PRKN: variants seen among roughly 807,000 people sequenced by gnomAD.
PRKN encodes E3 ubiquitin-protein ligase parkin.
PRKN carries 56 observed loss-of-function variants against 59.5 expected under a neutral mutation model. The ratio of observed to expected loss-of-function variants is 0.94; its 90% CI spans 0.76 to 1.18. The LOEUF is 1.18. PRKN is among the 50% of genes most tolerant of loss of function. The pLI, the probability that PRKN is intolerant of heterozygous loss-of-function variation, is 0.00. For missense variants in PRKN, 657 were observed against 596.4 expected, an observed-to-expected ratio of 1.10 and a Z score of -1.06; for synonymous variants, 250 against 222.1, an observed-to-expected ratio of 1.13 and a Z score of -1.12.
chr6:162,362,178 C>T (rs1409427189), intron 2 of PRKN, among the ~76,000 whole-genome samples: 1 of 152,168 alleles, frequency 6.6e-6, no homozygotes, highest in Non-Finnish European at 1.5e-5. Flanking sequence ...AAAGAACATG[C>T]TGTTACTTCT....
At position 161,843,573 on chromosome 6, in the gene PRKN, G is replaced by T. The variant is rs76570583; in HGVS notation, c.735-57665C>A. On this transcript the variant is annotated intron_variant, in intron 6 of 11. Transcript: ENST00000366898. ...GGCCAAGGAGGGGAGATTACTTAAG[G>T]TCAGGAGTTTGAGACCAATCTGGCC... Among the ~76,000 whole-genome samples the T allele has an allele frequency of 0.012, 1,872 of 152,218 alleles. 54 individuals carry two copies. In the East Asian group the frequency reaches 0.13, roughly 10 times the overall value.
At chr6:162,253,653 T>C (rs1045943254) in intron 3 of PRKN, among the ~76,000 whole-genome samples, 1 of 152,002 alleles carries the variant, frequency 6.6e-6, no homozygotes, top group African/African-American at 2.4e-5. Context: ...TTGGTCCACC[T>C]TTCCCCAAGA....
At chr6:162,533,688 A>G (rs7763118) in intron 1 of PRKN, among the ~76,000 whole-genome samples, 14,549 of 152,054 alleles carry the variant, frequency 0.096, 783 homozygotes, top group Middle Eastern at 0.18. Flanking sequence ...TCTTATAAAA[A>G]GAGATATATG....
intron 3 of PRKN, among the ~76,000 whole-genome samples, chr6:162,232,048 C>T (rs1778445960): frequency 6.6e-6 from 1 of 152,132 alleles, no homozygotes; most frequent in Non-Finnish European, 1.5e-5. Context: ...AGGTTAATTT[C>T]ACAGCCCTTG....
At chr6:162,168,555 A>C (rs9355386) in intron 4 of PRKN, among the ~76,000 whole-genome samples, 2 of 123,254 alleles carry the variant, frequency 1.6e-5, no homozygotes, top group Admixed American at 8.0e-5. Flanking sequence ...AATCTGTTTT[A>C]CAAAAAAAAA....
chr6:161,415,592 G>GCGGGGGGCCCCCCCCCC, intron 9 of PRKN, among the ~76,000 whole-genome samples: 1 of 36,252 alleles, frequency 2.8e-5, no homozygotes, highest in African/African-American at 1.1e-4. Flanking sequence ...AGGAAATGTC[G>GCGGGGGGCCCCCCCCCC]CCCCCCCCCC....
intron 5 of PRKN, among the ~76,000 whole-genome samples, chr6:162,022,481 GAGA>G (rs1783244489): frequency 6.6e-6 from 1 of 152,070 alleles, no homozygotes; most frequent in South Asian, 2.1e-4. Context: ...GTCTTCTTTT[GAGA>G]AGTGTCTGTT....
chr6:162,687,315 A>G (rs908205663), intron 1 of PRKN, among the ~76,000 whole-genome samples: 24 of 151,668 alleles, frequency 1.6e-4, no homozygotes, highest in South Asian at 8.4e-4. Context: ...CCTCCCGAGT[A>G]GCTGGGACTA....
chr6:161,511,714 T>C (rs771505914), intron 9 of PRKN, among the ~76,000 whole-genome samples: 1 of 151,846 alleles, frequency 6.6e-6, no homozygotes, highest in Admixed American at 6.6e-5. Flanking sequence ...TAAAGGAGTA[T>C]CACTAAATTG....
Position 161,545,240 on chromosome 6 carries a change from A to G in PRKN, c.1083+3614T>C. 1 of 1,371,430 alleles carries G rather than the reference A, an allele frequency of 7.3e-7. No homozygotes were observed. Among genetic ancestry groups the G allele is most frequent in the Non-Finnish European group, 9.4e-7 (1 of 1,062,064 alleles). The allele number at this position is 1,371,430 out of a possible 1,614,324, so 85.0% of individuals were successfully genotyped here. A position where few individuals can be genotyped will look rare whatever the true frequency, so the allele number is the denominator to read the frequency against. On this transcript the variant is annotated intron_variant, in intron 9 of 11. Coordinates refer to ENST00000366898, the MANE Select transcript of PRKN (RefSeq NM_004562.3). The surrounding 1 kb of genome is among the most constrained non-coding windows in gnomAD (Gnocchi z 4.1). Reference sequence around the variant, plus strand: ...GGAAAAAAAAATTAAGCACGGGTGAATTCACAGGCATCTTACAATAAATCT... The same window carrying G: ...GGAAAAAAAAATTAAGCACGGGTGAGTTCACAGGCATCTTACAATAAATCT...
At chr6:162,223,894 A>T (rs1255770164) in intron 3 of PRKN, among the ~76,000 whole-genome samples, 1 of 152,070 alleles carries the variant, frequency 6.6e-6, no homozygotes, top group African/African-American at 2.4e-5. Context: ...ATATGAGATA[A>T]ATATTACTAT....
chr6:162,218,890 A>T (rs1334739119), intron 3 of PRKN, among the ~76,000 whole-genome samples: 1 of 151,974 alleles, frequency 6.6e-6, no homozygotes, highest in Non-Finnish European at 1.5e-5. Flanking sequence ...GTTTAGTTAC[A>T]CACCTCGGCA....
chr6:161,542,968 A>C (rs1465798951), intron 9 of PRKN, among the ~76,000 whole-genome samples: 5 of 152,228 alleles, frequency 3.3e-5, no homozygotes, highest in Admixed American at 3.3e-4. Flanking sequence ...TACAAAAATA[A>C]ATTAAAATTG....
rs999664315 is a variant in PRKN at position 161,457,280 on chromosome 6, G to T, written c.1084-70403C>A. Among the ~76,000 whole-genome samples the T allele has an allele frequency of 2.0e-5, 3 of 152,158 alleles. No individual in the cohort carries two copies. The highest frequency in any genetic ancestry group is 4.4e-5 in the Non-Finnish European group (3 of 68,032). On this transcript the variant is annotated intron_variant, in intron 9 of 11. Transcript: ENST00000366898. This position sits in a 1 kb window ranked among gnomAD's most constrained non-coding sequence, Gnocchi z 5.0. ...CACTTTGCAAGGAGGATGGGCAGCT[G>T]GGCCAATGCAGGATCCAACTATTCA...
At chr6:162,012,464 A>T (rs1176662086) in intron 5 of PRKN, among the ~76,000 whole-genome samples, 2 of 151,958 alleles carry the variant, frequency 1.3e-5, no homozygotes, top group Non-Finnish European at 2.9e-5. Context: ...GTATGTAATT[A>T]CTTTTTCTAA....
chr6:162,162,130 T>A (rs1425873774), intron 4 of PRKN, among the ~76,000 whole-genome samples: 1 of 152,164 alleles, frequency 6.6e-6, no homozygotes, highest in Non-Finnish European at 1.5e-5. Context: ...TCGCCCAAGC[T>A]GGAGTGCAGT....
At chr6:161,873,761 A>G (rs531149751) in intron 6 of PRKN, among the ~76,000 whole-genome samples, 30 of 151,090 alleles carry the variant, frequency 2.0e-4, no homozygotes, top group Middle Eastern at 3.5e-3. Context: ...TTCCCCTACT[A>G]TTAACTTGGC....
Position 161,988,697 on chromosome 6 carries a change from G to A in PRKN, c.619-15280C>T, listed in dbSNP as rs537378586. Among the ~76,000 whole-genome samples the A allele has an allele frequency of 2.6e-5, 4 of 152,146 alleles. No homozygotes were observed. In the East Asian group the frequency reaches 7.7e-4, roughly 29 times the overall value. ...ATCATGAGTGAAAGCTCAGAGCCAT[G>A]AACACGACAGTGAGGACATCAATAT... is the stretch of plus-strand genomic sequence containing the variant. On this transcript the variant is annotated intron_variant, in intron 5 of 11. Transcript: ENST00000366898.
intron 1 of PRKN, among the ~76,000 whole-genome samples, chr6:162,544,056 C>T (rs192568764): frequency 9.9e-5 from 15 of 152,248 alleles, no homozygotes; most frequent in Admixed American, 6.5e-4. Flanking sequence ...ACTAGCTCTC[C>T]TTTTCGGATT....
Sources: allele counts gnomAD v4.1 joint callset (sites outside exome capture counted in the v4.1 genomes callset), GRCh38; gene constraint gnomAD v4.1.1; non-coding constraint Gnocchi (gnomAD v3.1); transcripts MANE v1.5; gene names NCBI Gene and HGNC (gene_info 2026-07-23, HGNC 2026-07-21).